CLVS1: variants seen among roughly 807,000 people sequenced by gnomAD.
The protein encoded by CLVS1 is clavesin-1.
Under a neutral mutation model 33.1 loss-of-function variants are expected in CLVS1, and 10 were observed. The ratio of observed to expected loss-of-function variants is 0.30; its 90% CI spans 0.19 to 0.51. CLVS1 has a LOEUF of 0.51. Ranked by LOEUF, CLVS1 falls within the 20% of genes least tolerant of loss-of-function variation. CLVS1 has a pLI of 0.97. For missense variants in CLVS1, 343 were observed against 433.4 expected (o/e 0.79, Z 1.85); for synonymous variants, 163 against 166.1 (o/e 0.98, Z 0.14).
intron 2 of CLVS1, among the ~76,000 whole-genome samples, chr8:61,200,910 TG>T (rs1807716812): frequency 6.6e-6 from 1 of 152,246 alleles, no homozygotes; most frequent in Non-Finnish European, 1.5e-5. Flanking sequence ...GAGGTTGAAT[TG>T]TAATTTAACA....
At chr8:61,051,538 T>C in the CLVS1 span, among the ~76,000 whole-genome samples, 2 of 152,310 alleles carry the variant, frequency 1.3e-5, no homozygotes, top group Non-Finnish European at 2.9e-5. Context: ...GAACCAGTTG[T>C]TGGGGTCCCG....
chr8:61,321,373 G>T (rs1196998416), intron 2 of CLVS1, among the ~76,000 whole-genome samples: 1 of 151,476 alleles, frequency 6.6e-6, no homozygotes, highest in African/African-American at 2.4e-5. Context: ...ATTTTGATGT[G>T]GATTTTTTTT....
At chr8:61,020,998 A>C in the CLVS1 span, among the ~76,000 whole-genome samples, 12 of 152,156 alleles carry the variant, frequency 7.9e-5, no homozygotes, top group Admixed American at 1.3e-4. Context: ...GGCTCTCTAT[A>C]AAGGCTCTCC....
At chr8:61,098,193 G>C (rs141845163) in intron 1 of CLVS1, among the ~76,000 whole-genome samples, 194 of 150,428 alleles carry the variant, frequency 1.3e-3, no homozygotes, top group Non-Finnish European at 1.5e-3. Flanking sequence ...GCGAGCAAGG[G>C]AGAGAGAGCG....
At chr8:61,204,843 T>G (rs1807807129) in intron 2 of CLVS1, among the ~76,000 whole-genome samples, 1 of 152,154 alleles carries the variant, frequency 6.6e-6, no homozygotes, top group African/African-American at 2.4e-5. Context: ...TCCATACCCA[T>G]TCCCCCACCA....
the CLVS1 span, among the ~76,000 whole-genome samples, chr8:61,010,650 G>T: frequency 6.6e-6 from 1 of 152,178 alleles, no homozygotes; most frequent in Non-Finnish European, 1.5e-5. Context: ...AGATGAGGGG[G>T]TGGTTAATTA....
At chr8:61,296,760 C>T (rs1210303689) in intron 1 of CLVS1, among the ~76,000 whole-genome samples, 1 of 152,134 alleles carries the variant, frequency 6.6e-6, no homozygotes, top group Non-Finnish European at 1.5e-5. Context: ...ATTTACTGAG[C>T]ATCTACTTCA....
intron 1 of CLVS1, among the ~76,000 whole-genome samples, chr8:61,291,609 T>C (rs1304011446): frequency 6.6e-6 from 1 of 152,076 alleles, no homozygotes; most frequent in East Asian, 1.9e-4. Flanking sequence ...TAATATGTGG[T>C]CAAATTAAAA....
chr8:61,342,989 A>T (rs1812077947), intron 2 of CLVS1, among the ~76,000 whole-genome samples: 4 of 152,178 alleles, frequency 2.6e-5, no homozygotes, highest in Admixed American at 2.6e-4. Context: ...AAAAGTCTGA[A>T]TTTTTTAAAT....
intron 2 of CLVS1, among the ~76,000 whole-genome samples, chr8:61,357,494 C>CTTTTTTCTTTTTTTTT (rs1812776886): frequency 7.7e-5 from 2 of 25,810 alleles, no homozygotes; most frequent in African/African-American, 2.0e-4. Flanking sequence ...TTTTTCTTTT[C>CTTTTTTCTTTTTTTTT]TTTTTTTTTT....
At chr8:61,352,674 A>T (rs946633227) in intron 2 of CLVS1, among the ~76,000 whole-genome samples, 8 of 152,080 alleles carry the variant, frequency 5.3e-5, no homozygotes, top group African/African-American at 1.9e-4. Context: ...TTGCATAATG[A>T]TAAATGGATC....
chr8:61,215,752 T>C (rs201922227), intron 2 of CLVS1, among the ~76,000 whole-genome samples: 2 of 151,174 alleles, frequency 1.3e-5, no homozygotes, highest in East Asian at 1.9e-4. Context: ...ATTTTATTCA[T>C]CCATGTAAAG....
chr8:61,201,017 T>C (rs1807719762), intron 2 of CLVS1, among the ~76,000 whole-genome samples: 1 of 152,198 alleles, frequency 6.6e-6, no homozygotes, highest in Non-Finnish European at 1.5e-5. Context: ...ATTGCAATCC[T>C]TTCATGGTGA....
At chr8:61,277,838 A>G (rs1464842380) in intron 2 of CLVS1, among the ~76,000 whole-genome samples, 1 of 152,196 alleles carries the variant, frequency 6.6e-6, no homozygotes. Flanking sequence ...TCCAGCTTAT[A>G]TATCATCTTC....
At chr8:61,449,823 C>G (rs1197813825) in intron 3 of CLVS1, among the ~76,000 whole-genome samples, 2 of 152,184 alleles carry the variant, frequency 1.3e-5, no homozygotes, top group Non-Finnish European at 2.9e-5. Context: ...GATTTGTCTT[C>G]TTCTCTCCAC....
intron 2 of CLVS1, among the ~76,000 whole-genome samples, chr8:61,197,340 A>G (rs192699014): frequency 2.5e-4 from 38 of 152,132 alleles, no homozygotes; most frequent in Middle Eastern, 3.4e-3. Flanking sequence ...CTGTAGACAT[A>G]TGGATTTGTT....
intron 2 of CLVS1, among the ~76,000 whole-genome samples, chr8:61,253,727 T>G (rs770822637): frequency 9.9e-5 from 15 of 152,256 alleles, no homozygotes; most frequent in Admixed American, 2.6e-4. Flanking sequence ...TACTGAGGCT[T>G]ATGCATTCGT....
At chr8:61,324,124 A>G (rs757111438) in intron 2 of CLVS1, among the ~76,000 whole-genome samples, 4 of 152,082 alleles carry the variant, frequency 2.6e-5, no homozygotes, top group Non-Finnish European at 5.9e-5. Context: ...GTTTCTTTAT[A>G]ATATAATGAT....
intron 5 of CLVS1, among the ~76,000 whole-genome samples, chr8:61,473,866 G>A (rs1817820421): frequency 6.6e-6 from 1 of 152,168 alleles, no homozygotes; most frequent in African/African-American, 2.4e-5. Flanking sequence ...GCTGACTGGG[G>A]AGATGATTGT....
Sources: gnomAD v4.1 joint callset for allele counts (sites outside exome capture counted in the v4.1 genomes callset) on GRCh38, gnomAD v4.1.1 for gene constraint, MANE v1.5 for transcripts, NCBI Gene and HGNC (gene_info 2026-07-23, HGNC 2026-07-21) for gene names.